FREM1: variants seen among roughly 807,000 people sequenced by gnomAD.
The protein encoded by FREM1 is FRAS1 related extracellular matrix 1, also known as FRAS1-related extracellular matrix protein 1.
A neutral mutation model predicts 210.1 loss-of-function variants in FREM1; 220 were observed. That is an observed-to-expected ratio of 1.05 (90% CI 0.94 to 1.17). The LOEUF is 1.17. FREM1 is among the 50% of genes most tolerant of loss of function. FREM1 has a pLI of 0.00. For missense variants in FREM1, 3,454 were observed against 2,675.5 expected (o/e 1.29, Z -6.42); for synonymous variants, 1,189 against 980.2 (o/e 1.21, Z -3.98).
At chr9:14,870,791 C>A (rs201082950) in intron 1 of FREM1, among the ~76,000 whole-genome samples, 1 of 147,212 alleles carries the variant, frequency 6.8e-6, no homozygotes, top group South Asian at 2.3e-4. Flanking sequence ...TCTCCTAATG[C>A]TATCCCTCCC....
chr9:14,859,506 A>T, intron 3 of FREM1, 22 bp from the exon 4 acceptor site: 1 of 1,590,428 alleles, frequency 6.3e-7, no homozygotes, highest in Non-Finnish European at 8.6e-7. Context: ...ACAGGGCAAA[A>T]GCAATATTAA....
chr9:14,839,277 T>G (rs949717639), intron 10 of FREM1, among the ~76,000 whole-genome samples: 1 of 151,856 alleles, frequency 6.6e-6, no homozygotes, highest in Non-Finnish European at 1.5e-5. Flanking sequence ...GAGAAAGGAG[T>G]CAGGGATGAC....
chr9:14,855,939 A>G (rs145329960), intron 5 of FREM1, among the ~76,000 whole-genome samples: 29 of 152,308 alleles, frequency 1.9e-4, no homozygotes, highest in African/African-American at 5.3e-4. Context: ...TAAAACAAAC[A>G]GAAAACATCT....
In FREM1 at chr9:14,841,566, G is replaced by T; in HGVS notation, c.1762C>A (p.Gln588Lys). 5.0e-6 allele frequency: 8 copies of T among 1,609,126 alleles called. No individual in the cohort carries two copies. Among genetic ancestry groups the T allele is most frequent in the Non-Finnish European group, 6.8e-6 (8 of 1,176,476 alleles). Residue 588 changes from glutamine to lysine, a missense_variant, in exon 10 of 37, where the codon CAG becomes AAG. Transcript: ENST00000380880. Reference protein sequence around the residue: ...LIGYPVHGFLQRDLFNGIIYY... With the variant: ...LIGYPVHGFLKRDLFNGIIYY... The stretch of plus-strand genomic sequence containing the variant: ...ATGATTCCATTAAACAAATCCCTCT[G>T]AAGGAAGCCATGGACAGGATAGCCT...
intron 10 of FREM1, among the ~76,000 whole-genome samples, chr9:14,828,210 G>C (rs1332108065): frequency 1.3e-5 from 2 of 152,234 alleles, no homozygotes; most frequent in East Asian, 1.9e-4. Context: ...AGCCATAAAG[G>C]TGGAATTGCC....
intron 15 of FREM1, among the ~76,000 whole-genome samples, chr9:14,815,830 T>C (rs1463047348): frequency 6.6e-6 from 1 of 152,156 alleles, no homozygotes; most frequent in Non-Finnish European, 1.5e-5. Context: ...GTATTTTTAA[T>C]AGAGACAGGG....
intron 35 of FREM1, among the ~76,000 whole-genome samples, chr9:14,745,823 C>A (rs1341541589): frequency 2.0e-5 from 3 of 152,186 alleles, no homozygotes; most frequent in South Asian, 2.1e-4. Context: ...ATAAGTTATC[C>A]TTTATTGAAT....
chr9:14,830,406 A>G (rs1055202203), intron 10 of FREM1, among the ~76,000 whole-genome samples: 1 of 152,172 alleles, frequency 6.6e-6, no homozygotes, highest in South Asian at 2.1e-4. Context: ...CTAGTTTTCT[A>G]CTGTTTGCCT....
intron 21 of FREM1, among the ~76,000 whole-genome samples, chr9:14,795,214 T>C (rs1366798646): frequency 6.6e-6 from 1 of 152,168 alleles, no homozygotes; most frequent in Non-Finnish European, 1.5e-5. Flanking sequence ...CTTTCAAGCA[T>C]GTTTACATAT....
intron 29 of FREM1, among the ~76,000 whole-genome samples, chr9:14,752,756 G>A (rs573688380): frequency 6.6e-6 from 1 of 152,234 alleles, no homozygotes; most frequent in East Asian, 1.9e-4. Context: ...ATAAAGTTAA[G>A]CATCATGTAA....
At chr9:14,817,627 C>T (rs1820537594) in intron 14 of FREM1, among the ~76,000 whole-genome samples, 1 of 151,886 alleles carries the variant, frequency 6.6e-6, no homozygotes, top group Non-Finnish European at 1.5e-5. Flanking sequence ...ATCAATGAGT[C>T]CTAGGAATGG....
rs376047067 is a variant in FREM1, at chr9:14,851,317, T to A, written c.1119A>T (p.Pro373=). Residue 373 remains proline, a synonymous_variant, in exon 6 of 37, where the codon CCA becomes CCT. Coordinates refer to ENST00000380880, the MANE Select transcript of FREM1 (RefSeq NM_001379081.2). Reference sequence around the variant, plus strand: ...GTCTCCTCTCAGAATGGCTGCTGTTTGGTGGCTGATAGGCGATCTGCATGT... The same window carrying A: ...GTCTCCTCTCAGAATGGCTGCTGTTAGGTGGCTGATAGGCGATCTGCATGT... ...LSDMQIAYQP[P]NSSHSERRHD... The A allele has an allele frequency of 7.5e-6, 12 of 1,602,916 alleles. No homozygotes were observed. The highest frequency in any genetic ancestry group is 1.0e-5 in the Non-Finnish European group (12 of 1,173,186).
At chr9:14,848,953 C>T (rs918662255) in intron 6 of FREM1, among the ~76,000 whole-genome samples, 180 bp from the exon 7 acceptor site, 2 of 152,158 alleles carry the variant, frequency 1.3e-5, no homozygotes, top group Admixed American at 6.5e-5. Context: ...GATCTTGTTC[C>T]TTACTTTAAC....
chr9:14,885,005 A>T (rs565659290), intron 1 of FREM1, among the ~76,000 whole-genome samples: 1 of 126,378 alleles, frequency 7.9e-6, no homozygotes, highest in Non-Finnish European at 1.5e-5. Context: ...GCTCACTGCA[A>T]GCTCCGCCTC....
intron 25 of FREM1, among the ~76,000 whole-genome samples, chr9:14,771,190 C>T (rs941106953): frequency 6.6e-6 from 1 of 152,116 alleles, no homozygotes; most frequent in African/African-American, 2.4e-5. Flanking sequence ...AAAATTGACC[C>T]AAGAATTCTA....
intron 5 of FREM1, among the ~76,000 whole-genome samples, chr9:14,857,132 C>A (rs1201076141): frequency 6.6e-6 from 1 of 152,094 alleles, no homozygotes; most frequent in Non-Finnish European, 1.5e-5. Context: ...AACCATGGGA[C>A]TGAGATTCTC....
In FREM1 at chr9:14,838,506, CACAT is replaced by C. The variant is rs775021570; in HGVS notation, c.1881+2937_1881+2940del. On this transcript the variant is annotated intron_variant, in intron 10 of 36. Transcript: ENST00000380880. ...GCTTGCCAGCACACACACACACACA[CACAT>C]ACACACAATACTTGTTTCATTGGCA... 8.0e-3 allele frequency among the ~76,000 whole-genome samples: 1,214 copies of C among 152,024 alleles called. 17 individuals are homozygous for C. Among genetic ancestry groups the C allele is most frequent in the African/African-American group, 0.028 (1,148 of 41,456 alleles).
At chr9:14,900,400 G>A (rs113567706) in intron 1 of FREM1, among the ~76,000 whole-genome samples, 19 of 152,324 alleles carry the variant, frequency 1.2e-4, no homozygotes, top group African/African-American at 4.6e-4. Flanking sequence ...GAGGTAAAAG[G>A]AGCTTTGGTG....
intron 1 of FREM1, among the ~76,000 whole-genome samples, chr9:14,876,074 A>G (rs966543517): frequency 8.5e-5 from 13 of 152,138 alleles, no homozygotes; most frequent in Non-Finnish European, 7.3e-5. Context: ...GTGAGGTGTC[A>G]GTCTGCCCCT....
Sources: allele counts gnomAD v4.1 joint callset (sites outside exome capture counted in the v4.1 genomes callset), GRCh38; gene constraint gnomAD v4.1.1; transcripts MANE v1.5; gene names NCBI Gene and HGNC (gene_info 2026-07-23, HGNC 2026-07-21).